Variants in NRL observed in about 807,000 individuals in gnomAD.
NRL encodes neural retina-specific leucine zipper protein.
A neutral mutation model predicts 12.5 loss-of-function variants in NRL; 16 were observed. That is an observed-to-expected ratio of 1.28 (90% CI 0.87 to 1.95). NRL has a LOEUF of 1.95. Ranked by LOEUF, NRL falls within the 30% of genes most tolerant of loss-of-function variation. The probability of loss-of-function intolerance (pLI) is 0.00; values close to 1 mark genes in which losing one functional copy is unlikely to be tolerated. For missense variants in NRL, 314 were observed against 325.8 expected (o/e 0.96, Z 0.28); for synonymous variants, 142 against 150.9 (o/e 0.94, Z 0.43).
Position 24,107,466 on chromosome 14 carries a change from C to T in NRL, c.-28+7256G>A, listed in dbSNP as rs374141826. Among the ~76,000 whole-genome samples, 3 of 152,124 alleles carry T rather than the reference C, an allele frequency of 2.0e-5. No homozygotes were observed. In the East Asian group the frequency reaches 5.8e-4, roughly 29 times the overall value. ...TGCAGACACCAACCCAGCCCCGCCC[C>T]GCCCCGACCCTGTTGCCCATCTCTA... On this transcript the variant is annotated intron_variant, in intron 1 of 2. Coordinates refer to ENST00000561028, the MANE Select transcript of NRL (RefSeq NM_001354768.3).
chr14:24,094,272 G>T lies in NRL; in HGVS notation c.-27-11397C>A. ...CCTACCAGGTTCCGCCCCCGCGCCT[G>T]CCCCCCTCCTTTTTAAGCGCCTCCC... On this transcript the variant is annotated intron_variant, in intron 1 of 2. Coordinates refer to ENST00000561028, the MANE Select transcript of NRL (RefSeq NM_001354768.3). The surrounding 1 kb of genome is among the most constrained non-coding windows in gnomAD (Gnocchi z 4.1). 1 of 837,558 alleles carries T rather than the reference G, an allele frequency of 1.2e-6. No homozygotes were observed. Among genetic ancestry groups the T allele is most frequent in the Non-Finnish European group, 1.9e-6 (1 of 539,216 alleles). The allele number at this position is 837,558 out of a possible 1,614,324, so 51.9% of individuals were successfully genotyped here.
intron 1 of NRL, chr14:24,084,454 G>A (rs1297430940): frequency 3.0e-6 from 2 of 675,396 alleles, no homozygotes; most frequent in South Asian, 6.6e-5. Flanking sequence ...ACAACAGAGA[G>A]CAGGTGTTAA....
intron 1 of NRL, among the ~76,000 whole-genome samples, chr14:24,106,581 C>T (rs1012305025): frequency 6.6e-6 from 1 of 151,992 alleles, no homozygotes; most frequent in Non-Finnish European, 1.5e-5. Flanking sequence ...ATTAGCCAGG[C>T]ATGGTGGCCC....
intron 1 of NRL, among the ~76,000 whole-genome samples, chr14:24,108,976 C>T (rs1276665156): frequency 6.6e-6 from 1 of 152,196 alleles, no homozygotes; most frequent in African/African-American, 2.4e-5. Flanking sequence ...CTTCTCTCCT[C>T]AGCAGCCCAG....
rs55656236 is a variant in NRL at position 24,091,119 on chromosome 14, CTGTGTGTGTGTG to C, written c.-27-8256_-27-8245del. ...ATTCTAAGGGACGAACAGAAAAGGC[CTGTGTGTGTGTG>C]TGTGTGTGTGTGTGTGTGTGTGTGT... On this transcript the variant is annotated intron_variant, in intron 1 of 2. Coordinates refer to ENST00000561028, the MANE Select transcript of NRL (RefSeq NM_001354768.3). 9.8e-3 allele frequency among the ~76,000 whole-genome samples: 1,355 copies of C among 138,716 alleles called. 7 individuals are homozygous for C. Among genetic ancestry groups the C allele is most frequent in the African/African-American group, 0.021 (772 of 36,218 alleles). The allele number at this position is 138,716 out of a possible 152,430, so 91.0% of individuals were successfully genotyped here.
rs1170363987 is a variant in NRL at position 24,085,633 on chromosome 14, G to T, written c.-27-2758C>A. 6.6e-6 allele frequency among the ~76,000 whole-genome samples: 1 copy of T among 152,200 alleles called. No individual in the cohort carries two copies. Among genetic ancestry groups the T allele is most frequent in the East Asian group, 1.9e-4 (1 of 5,202 alleles). ...CTGAGGCCACCCAAATACTCCCATG[G>T]GGTTAATAGTTCCTCTTTCTCAACA... On this transcript the variant is annotated intron_variant, in intron 1 of 2. Transcript: ENST00000561028. This position sits in a 1 kb window ranked among gnomAD's most constrained non-coding sequence, Gnocchi z 4.1.
chr14:24,104,656 A>T (rs1295221219), intron 1 of NRL, among the ~76,000 whole-genome samples: 1 of 151,078 alleles, frequency 6.6e-6, no homozygotes, highest in African/African-American at 2.4e-5. Context: ...AAAAAAACAA[A>T]ACAAAACAAA....
chr14:24,092,436 G>T (rs968023093), intron 1 of NRL, among the ~76,000 whole-genome samples: 1 of 152,248 alleles, frequency 6.6e-6, no homozygotes, highest in African/African-American at 2.4e-5. Context: ...GGTGCCATTT[G>T]CTGAGGTAGG....
chr14:24,084,796 CAAAG>C (rs2036425153), intron 1 of NRL: 2 of 809,734 alleles, frequency 2.5e-6, no homozygotes, highest in Non-Finnish European at 3.0e-6. Flanking sequence ...TGCTTATTCT[CAAAG>C]AAGGAAAGGG....
At position 24,090,480 on chromosome 14, in the gene NRL, C is replaced by T. The variant is rs114384698; in HGVS notation, c.-27-7605G>A. On this transcript the variant is annotated intron_variant, in intron 1 of 2. Coordinates refer to ENST00000561028, the MANE Select transcript of NRL (RefSeq NM_001354768.3). The stretch of plus-strand genomic sequence containing the variant: ...TTGGATACATACTGCCCCCAGGAAG[C>T]GGGCATTGCATTTGGTGAGACAGCT... Among the ~76,000 whole-genome samples, 553 of 152,250 alleles carry T rather than the reference C, an allele frequency of 3.6e-3. 3 individuals carry two copies. The highest frequency in any genetic ancestry group is 0.013 in the African/African-American group (526 of 41,528).
rs1350411198 is a variant in NRL, at chr14:24,079,314, G to A, written c.*1922C>T. 1.3e-5 allele frequency among the ~76,000 whole-genome samples: 2 copies of A among 152,226 alleles called. No homozygotes were observed. Among genetic ancestry groups the A allele is most frequent in the African/African-American group, 4.8e-5 (2 of 41,450 alleles). ...TACAGCTCCAGGGCAGGCAAGGATA[G>A]ACACAGGTGAAATTTAGAGTGAGAG... On this transcript the variant is annotated 3_prime_UTR_variant, in exon 3 of 3. Transcript: ENST00000561028.
At chr14:24,104,003 A>C in intron 1 of NRL, 1 of 1,468,614 alleles carries the variant, frequency 6.8e-7, no homozygotes, top group Non-Finnish European at 9.5e-7. Flanking sequence ...TAGCACCCTC[A>C]TCTGGGAATA....
chr14:24,089,629 A>C (rs1255019647), intron 1 of NRL, among the ~76,000 whole-genome samples: 1 of 152,244 alleles, frequency 6.6e-6, no homozygotes, highest in Non-Finnish European at 1.5e-5. Flanking sequence ...AGATGTGTCT[A>C]CATAAAAACA....
chr14:24,084,640 C>T (rs916698824), intron 1 of NRL: 12 of 985,408 alleles, frequency 1.2e-5, no homozygotes, highest in East Asian at 2.3e-4. Flanking sequence ...GGGCTGTGGG[C>T]ACAGAGCCCA....
chr14:24,097,173 C>T (rs144382313), intron 1 of NRL: 3 of 1,600,256 alleles, frequency 1.9e-6, no homozygotes, highest in Non-Finnish European at 1.7e-6. Context: ...AGGATAGGTG[C>T]ACTGAGGCCA....
rs201990888 is a variant in NRL, at chr14:24,095,039, T to TA, written c.-27-12165dup. 2,748 of 450,526 alleles carry TA rather than the reference T, an allele frequency of 6.1e-3. 22 individuals are homozygous for TA. The highest frequency in any genetic ancestry group is 0.028 in the African/African-American group (1,380 of 49,688). 27.9% of individuals were successfully genotyped at this position (450,526 alleles called of 1,614,324 possible). ...CGCCAAGTTGCCTTCGTTTCTTACA[T>TA]AGCTGGCTTCTTCCTCCGTCCAGGC... On this transcript the variant is annotated intron_variant, in intron 1 of 2. Coordinates refer to ENST00000561028, the MANE Select transcript of NRL (RefSeq NM_001354768.3).
intron 1 of NRL, among the ~76,000 whole-genome samples, chr14:24,102,284 G>C (rs370295753): frequency 1.3e-5 from 2 of 152,182 alleles, no homozygotes; most frequent in African/African-American, 4.8e-5. Context: ...AGGAGAACCT[G>C]TCTTCCCCGG....
At chr14:24,083,835 C>G (rs1228252803) in intron 1 of NRL, among the ~76,000 whole-genome samples, 1 of 152,196 alleles carries the variant, frequency 6.6e-6, no homozygotes, top group Non-Finnish European at 1.5e-5. Flanking sequence ...CTTTAGTAAA[C>G]CGTCTGTTCA....
chr14:24,094,310 T>C lies in NRL; in HGVS notation c.-27-11435A>G, dbSNP rs1440143204. The C allele has an allele frequency of 3.2e-6, 4 of 1,257,352 alleles. No individual in the cohort carries two copies. The African/African-American group carries it at 4.6e-5, about 14-fold the overall frequency. 77.9% of individuals were successfully genotyped at this position (1,257,352 alleles called of 1,614,324 possible). A position where few individuals can be genotyped will look rare whatever the true frequency, so the allele number is the denominator to read the frequency against. Reference sequence around the variant, plus strand: ...TTAAGCGCCTCCCGCCAGCCTCTGCTGTGGCTCGCTTCGCCGCGCTCCCTC... The same window carrying C: ...TTAAGCGCCTCCCGCCAGCCTCTGCCGTGGCTCGCTTCGCCGCGCTCCCTC... On this transcript the variant is annotated intron_variant, in intron 1 of 2. Coordinates refer to ENST00000561028, the MANE Select transcript of NRL (RefSeq NM_001354768.3). The surrounding 1 kb of genome is among the most constrained non-coding windows in gnomAD (Gnocchi z 4.1).
Sources: gnomAD v4.1 joint callset for allele counts (sites outside exome capture counted in the v4.1 genomes callset) on GRCh38, gnomAD v4.1.1 for gene constraint, Gnocchi (gnomAD v3.1) non-coding constraint, MANE v1.5 for transcripts, NCBI Gene and HGNC (gene_info 2026-07-23, HGNC 2026-07-21) for gene names.